Variants in KIAA1217 observed in about 807,000 individuals in gnomAD.
The protein encoded by KIAA1217 is sickle tail protein homolog.
In KIAA1217, 88 loss-of-function variants were observed where a neutral mutation model predicts 163.9. That is an observed-to-expected ratio of 0.54 (90% CI 0.45 to 0.64). KIAA1217 has a LOEUF of 0.64. Among genes scored for constraint, KIAA1217 ranks in the 30% least tolerant of loss-of-function variants. KIAA1217 has a pLI of 0.00. For missense variants in KIAA1217, 2,372 were observed against 2,475.0 expected, an observed-to-expected ratio of 0.96 and a Z score of 0.88; for synonymous variants, 903 against 923.1, an observed-to-expected ratio of 0.98 and a Z score of 0.39.
chr10:24,540,742 CT>C (rs1234842133), intron 17 of KIAA1217, among the ~76,000 whole-genome samples: 4 of 152,220 alleles, frequency 2.6e-5, no homozygotes, highest in Admixed American at 1.3e-4. Context: ...AGGCTGAAAC[CT>C]TTTTTTTAAA....
intron 2 of KIAA1217, among the ~76,000 whole-genome samples, chr10:24,123,257 A>G (rs1383668241): frequency 2.6e-5 from 4 of 152,036 alleles, no homozygotes; most frequent in African/African-American, 9.7e-5. Flanking sequence ...AGCATAGTCC[A>G]TATTCTTTTG....
At chr10:24,237,380 G>C (rs1326836172) in intron 2 of KIAA1217, among the ~76,000 whole-genome samples, 2 of 152,174 alleles carry the variant, frequency 1.3e-5, no homozygotes, top group Non-Finnish European at 2.9e-5. Flanking sequence ...ACCTCTGCCT[G>C]TCCACTGAGG....
intron 1 of KIAA1217, among the ~76,000 whole-genome samples, chr10:23,827,168 A>G (rs1229115698): frequency 6.6e-6 from 1 of 152,180 alleles, no homozygotes; most frequent in African/African-American, 2.4e-5. Context: ...GGGCTTTGAA[A>G]CATCCTGCCA....
intron 1 of KIAA1217, among the ~76,000 whole-genome samples, chr10:23,803,814 G>A (rs1836599877): frequency 6.6e-6 from 1 of 152,032 alleles, no homozygotes; most frequent in Admixed American, 6.5e-5. Context: ...ATCTCAAATT[G>A]CATTTTGATG....
chr10:24,103,213 C>A (rs532567434), intron 2 of KIAA1217, among the ~76,000 whole-genome samples: 2 of 151,882 alleles, frequency 1.3e-5, no homozygotes, highest in Admixed American at 6.6e-5. Flanking sequence ...ACAACACATA[C>A]AATAAAAAAA....
intron 2 of KIAA1217, among the ~76,000 whole-genome samples, chr10:24,159,782 CA>C (rs574953974): frequency 2.0e-4 from 29 of 143,212 alleles, no homozygotes; most frequent in African/African-American, 3.1e-4. Flanking sequence ...GACTCCGTCT[CA>C]AAAAAAAAAA....
At chr10:23,790,432 TATACATATATACATATATAC>T (rs1835804354) in intron 1 of KIAA1217, among the ~76,000 whole-genome samples, 1 of 102,838 alleles carries the variant, frequency 9.7e-6, no homozygotes, top group Admixed American at 1.0e-4. Flanking sequence ...CATATATACA[TATACATATATACATATATAC>T]ATGTGCATAT....
intron 1 of KIAA1217, among the ~76,000 whole-genome samples, chr10:23,811,271 T>C (rs1367090621): frequency 1.4e-5 from 2 of 145,430 alleles, no homozygotes; most frequent in East Asian, 4.0e-4. Flanking sequence ...ATAGTATCTA[T>C]ATATAGATTA....
At chr10:24,007,496 T>A (rs1847053774) in intron 2 of KIAA1217, 1 of 152,198 alleles carries the variant, frequency 6.6e-6, no homozygotes, top group South Asian at 2.1e-4. Flanking sequence ...CTGAGCTCAG[T>A]GGAACAAAAT....
chr10:24,538,729 T>C (rs1036627709), intron 17 of KIAA1217, among the ~76,000 whole-genome samples: 1 of 114,978 alleles, frequency 8.7e-6, no homozygotes, highest in Non-Finnish European at 1.8e-5. Context: ...TTTATTGTTT[T>C]TGGTTTTTTT....
chr10:24,207,292 A>T (rs865968017), upstream of KIAA1217, among the ~76,000 whole-genome samples: 1 of 148,944 alleles, frequency 6.7e-6, no homozygotes, highest in African/African-American at 2.4e-5. Flanking sequence ...TCACACACAC[A>T]CACACACACA....
At chr10:24,270,110 G>T (rs1332507440) in intron 2 of KIAA1217, among the ~76,000 whole-genome samples, 4 of 152,262 alleles carry the variant, frequency 2.6e-5, no homozygotes, top group Non-Finnish European at 5.9e-5. Flanking sequence ...TAGAAGGAAG[G>T]TGTTAGAAAT....
intron 2 of KIAA1217, among the ~76,000 whole-genome samples, chr10:24,099,239 G>A (rs1266736513): frequency 6.6e-6 from 1 of 150,582 alleles, no homozygotes; most frequent in African/African-American, 2.5e-5. Context: ...CAACGTGCAG[G>A]TTTGTTACAT....
chr10:23,808,139 A>G (rs1836830957), intron 1 of KIAA1217, among the ~76,000 whole-genome samples: 1 of 152,242 alleles, frequency 6.6e-6, no homozygotes, highest in African/African-American at 2.4e-5. Context: ...GTACTGAGAA[A>G]TTAACATGAA....
At chr10:23,704,536 A>T (rs185958404) in intron 1 of KIAA1217, among the ~76,000 whole-genome samples, 2 of 151,982 alleles carry the variant, frequency 1.3e-5, no homozygotes, top group African/African-American at 4.8e-5. Context: ...TGGACATTTC[A>T]TGTATATGGA....
intron 2 of KIAA1217, among the ~76,000 whole-genome samples, chr10:24,315,432 G>A (rs2043225836): frequency 6.6e-6 from 1 of 152,228 alleles, no homozygotes; most frequent in African/African-American, 2.4e-5. Context: ...GAAGGAAGTA[G>A]GACTTTGACT....
chr10:24,021,608 A>G (rs1489050525), intron 2 of KIAA1217, among the ~76,000 whole-genome samples: 1 of 151,976 alleles, frequency 6.6e-6, no homozygotes, highest in African/African-American at 2.4e-5. Flanking sequence ...TAAAGTTTAC[A>G]TGAAAGGCAA....
chr10:24,528,565 G>A (rs2072599335), intron 14 of KIAA1217, among the ~76,000 whole-genome samples: 1 of 151,994 alleles, frequency 6.6e-6, no homozygotes, highest in Non-Finnish European at 1.5e-5. Context: ...CTGGCCTCAA[G>A]CAATCCTCCC....
intron 2 of KIAA1217, among the ~76,000 whole-genome samples, chr10:24,113,462 C>G (rs565438781): frequency 6.6e-6 from 1 of 152,268 alleles, no homozygotes; most frequent in African/African-American, 2.4e-5. Flanking sequence ...TTTAAGGAAG[C>G]CAGTTTGTTC....
Sources: allele counts gnomAD v4.1 joint callset (sites outside exome capture counted in the v4.1 genomes callset), GRCh38; gene constraint gnomAD v4.1.1; transcripts MANE v1.5; gene names NCBI Gene and HGNC (gene_info 2026-07-23, HGNC 2026-07-21).